Variants in PRKG1 observed in about 807,000 individuals in gnomAD.
The protein encoded by PRKG1 is cGMP-dependent protein kinase 1.
In PRKG1, 35 loss-of-function variants were observed where a neutral mutation model predicts 88.1. The observed-to-expected ratio is 0.40, with a 90% CI of 0.30 to 0.53. The LOEUF is 0.53. Ranked by LOEUF, PRKG1 falls within the 20% of genes least tolerant of loss-of-function variation. The probability of loss-of-function intolerance (pLI) is 0.59; values close to 1 mark genes in which losing one functional copy is unlikely to be tolerated. For synonymous variants in PRKG1, 303 were observed against 292.5 expected (o/e 1.04, Z -0.37); for missense variants, 540 against 839.8 (o/e 0.64, Z 4.41).
chr10:52,150,682 T>A (rs1837888033), intron 8 of PRKG1, among the ~76,000 whole-genome samples: 1 of 152,132 alleles, frequency 6.6e-6, no homozygotes, highest in South Asian at 2.1e-4. Flanking sequence ...AATGTTAAAC[T>A]AATGTCTTTG....
chr10:51,509,402 A>C (rs1305571381), intron 3 of PRKG1, among the ~76,000 whole-genome samples: 1 of 152,232 alleles, frequency 6.6e-6, no homozygotes, highest in Non-Finnish European at 1.5e-5. Flanking sequence ...CTTAAGTTCA[A>C]TGTCACTGTT....
intron 3 of PRKG1, among the ~76,000 whole-genome samples, chr10:51,481,082 A>T (rs1366139050): frequency 6.6e-6 from 1 of 152,100 alleles, no homozygotes; most frequent in Non-Finnish European, 1.5e-5. Flanking sequence ...TTTCTGAAAA[A>T]AGTCAATTTG....
At chr10:52,290,337 T>C in intron 17 of PRKG1, 47 bp downstream of exon 17, 1 of 1,424,372 alleles carries the variant, frequency 7.0e-7, no homozygotes, top group Non-Finnish European at 9.8e-7. Flanking sequence ...ATTGATGGTG[T>C]TTATGTCAGT....
chr10:51,446,875 A>G (rs1839288576), intron 2 of PRKG1, among the ~76,000 whole-genome samples: 1 of 152,024 alleles, frequency 6.6e-6, no homozygotes, highest in African/African-American at 2.4e-5. Context: ...ACCTGCTCTC[A>G]GCAGCCATTT....
At chr10:52,034,105 T>C (rs1845542556) in intron 5 of PRKG1, among the ~76,000 whole-genome samples, 1 of 152,024 alleles carries the variant, frequency 6.6e-6, no homozygotes. Context: ...GGGCAGGGCA[T>C]ATTCACTTCT....
intron 7 of PRKG1, among the ~76,000 whole-genome samples, chr10:52,080,647 ACTAT>A (rs1846748064): frequency 6.6e-6 from 1 of 152,156 alleles, no homozygotes. Context: ...TGAGTTGATT[ACTAT>A]CTATTTTTTA....
At chr10:51,092,499 C>G (rs1844422803) in intron 1 of PRKG1, among the ~76,000 whole-genome samples, 1 of 152,180 alleles carries the variant, frequency 6.6e-6, no homozygotes, top group Non-Finnish European at 1.5e-5. Context: ...GAAGCTAACT[C>G]CACTTTGTCT....
chr10:51,285,953 G>T (rs1840429289), intron 2 of PRKG1, among the ~76,000 whole-genome samples: 1 of 149,434 alleles, frequency 6.7e-6, no homozygotes, highest in Admixed American at 6.9e-5. Flanking sequence ...GGGACAGCAG[G>T]TGCCTTTATT....
intron 3 of PRKG1, among the ~76,000 whole-genome samples, chr10:51,576,510 C>T (rs1451852417): frequency 2.0e-5 from 3 of 151,784 alleles, no homozygotes; most frequent in Non-Finnish European, 4.4e-5. Context: ...TAGATAATTT[C>T]CCTAGAATAT....
chr10:52,202,110 G>C (rs1684395102), intron 9 of PRKG1, among the ~76,000 whole-genome samples: 1 of 151,972 alleles, frequency 6.6e-6, no homozygotes, highest in South Asian at 2.1e-4. Flanking sequence ...GGAGTGGTGA[G>C]AATTAGCATC....
chr10:51,747,805 T>C (rs1283607687), intron 3 of PRKG1, among the ~76,000 whole-genome samples: 1 of 152,134 alleles, frequency 6.6e-6, no homozygotes, highest in Non-Finnish European at 1.5e-5. Flanking sequence ...GGTCTCACTT[T>C]GTCACCCAGC....
chr10:51,737,754 TTA>T (rs1436718488), intron 3 of PRKG1, among the ~76,000 whole-genome samples: 407 of 109,448 alleles, frequency 3.7e-3, no homozygotes, highest in African/African-American at 5.6e-3. Flanking sequence ...ATTATTATTA[TTA>T]TTATTATTAT....
At chr10:52,246,485 A>G (rs1841024713) in intron 9 of PRKG1, among the ~76,000 whole-genome samples, 1 of 152,128 alleles carries the variant, frequency 6.6e-6, no homozygotes, top group South Asian at 2.1e-4. Flanking sequence ...TATTGTTTTT[A>G]GAGCCTCCTT....
chr10:51,685,287 C>T (rs115851406), intron 3 of PRKG1, among the ~76,000 whole-genome samples: 5,888 of 152,254 alleles, frequency 0.039, 162 homozygotes, highest in Middle Eastern at 0.075. Flanking sequence ...TGACTTAGGG[C>T]AAATTAGTCA....
intron 3 of PRKG1, among the ~76,000 whole-genome samples, chr10:51,523,519 T>A (rs1240023043): frequency 2.0e-5 from 3 of 152,204 alleles, no homozygotes. Context: ...GTCTCTAGGA[T>A]AATATTTTTT....
At chr10:52,179,206 C>T (rs1838946168) in intron 9 of PRKG1, among the ~76,000 whole-genome samples, 1 of 151,938 alleles carries the variant, frequency 6.6e-6, no homozygotes, top group South Asian at 2.1e-4. Context: ...TGCATGTTTT[C>T]ATGATTCTAA....
At chr10:51,143,290 T>C (rs979607988) in intron 1 of PRKG1, among the ~76,000 whole-genome samples, 2 of 152,108 alleles carry the variant, frequency 1.3e-5, no homozygotes, top group African/African-American at 4.8e-5. Context: ...GGTTCAACCA[T>C]GTTGTTGTAA....
chr10:51,358,941 G>A (rs575527754), intron 2 of PRKG1, among the ~76,000 whole-genome samples: 5 of 150,362 alleles, frequency 3.3e-5, no homozygotes, highest in African/African-American at 9.8e-5. Flanking sequence ...TATTGGGGGG[G>A]GGGGTGTGGA....
intron 3 of PRKG1, among the ~76,000 whole-genome samples, chr10:51,546,273 A>T (rs753796391): frequency 6.6e-6 from 1 of 152,068 alleles, no homozygotes; most frequent in Non-Finnish European, 1.5e-5. Flanking sequence ...AGCACACAAA[A>T]TACTTCTTTA....
Sources: allele counts gnomAD v4.1 joint callset (sites outside exome capture counted in the v4.1 genomes callset), GRCh38; gene constraint gnomAD v4.1.1; transcripts MANE v1.5; gene names NCBI Gene and HGNC (gene_info 2026-07-23, HGNC 2026-07-21).